PIAS2: variants seen among roughly 807,000 people sequenced by gnomAD.
PIAS2 encodes protein inhibitor of activated STAT 2, also known as E3 SUMO-protein ligase PIAS2.
PIAS2 carries 19 observed loss-of-function variants against 69.7 expected under a neutral mutation model. The observed-to-expected ratio is 0.27, with a 90% confidence interval of 0.19 to 0.40. PIAS2 has a LOEUF of 0.40. PIAS2 is among the 10% of genes least tolerant of loss of function. PIAS2 has a pLI of 1.00. For synonymous variants in PIAS2, 261 were observed against 263.2 expected (o/e 0.99, Z 0.08); for missense variants, 624 against 757.0 (o/e 0.82, Z 2.06).
chr18:46,889,120 C>T (rs1598859491), intron 2 of PIAS2, among the ~76,000 whole-genome samples: 1 of 152,098 alleles, frequency 6.6e-6, no homozygotes, highest in African/African-American at 2.4e-5. Context: ...AGACCTAAAA[C>T]TATAAAATTC....
intron 8 of PIAS2, among the ~76,000 whole-genome samples, chr18:46,840,632 G>T (rs1426982570): frequency 6.6e-6 from 1 of 152,082 alleles, no homozygotes; most frequent in Non-Finnish European, 1.5e-5. Context: ...CTACTCTAGT[G>T]GTCTTATAAG....
At position 46,860,008 on chromosome 18, in the gene PIAS2, T is replaced by C. The variant is rs77980651; in HGVS notation, c.584+4156A>G. Among the ~76,000 whole-genome samples the C allele has an allele frequency of 4.6e-3, 703 of 152,242 alleles. 5 individuals carry two copies. The highest frequency in any genetic ancestry group is 7.2e-3 in the Non-Finnish European group (487 of 68,018). On this transcript the variant is annotated intron_variant, in intron 3 of 13. Transcript: ENST00000585916. ...CCAAAAAGAGAACTGAATCCAATGT[T>C]CAATCTTCACAAGATGTAACAGAAA...
At chr18:46,828,250 C>A (rs1312406796) in intron 10 of PIAS2, 120 bp from the exon 11 acceptor site, 26 of 788,682 alleles carry the variant, frequency 3.3e-5, no homozygotes, top group Non-Finnish European at 4.5e-5. Flanking sequence ...AGTGAAGCCA[C>A]ATACTCCAAC....
At chr18:46,826,366 A>C (rs2042851660) in intron 11 of PIAS2, among the ~76,000 whole-genome samples, 1 of 152,198 alleles carries the variant, frequency 6.6e-6, no homozygotes, top group Non-Finnish European at 1.5e-5. Context: ...TAAAGGACAG[A>C]GGGTAGACCC....
intron 2 of PIAS2, among the ~76,000 whole-genome samples, chr18:46,888,174 TAAA>T (rs1321844778): frequency 6.6e-6 from 1 of 151,970 alleles, no homozygotes; most frequent in Non-Finnish European, 1.5e-5. Context: ...ATAACAACTA[TAAA>T]ACATTGCTGA....
chr18:46,839,839 T>G (rs2045059596), intron 8 of PIAS2, among the ~76,000 whole-genome samples: 1 of 137,474 alleles, frequency 7.3e-6, no homozygotes, highest in East Asian at 2.1e-4. Flanking sequence ...CACTCCAGCC[T>G]GGGCGACAAG....
intron 2 of PIAS2, among the ~76,000 whole-genome samples, chr18:46,888,610 A>G (rs950210466): frequency 2.6e-5 from 4 of 152,090 alleles, no homozygotes; most frequent in Admixed American, 2.0e-4. Context: ...ATGGCAGACA[A>G]TTTTCCCACA....
intron 9 of PIAS2, among the ~76,000 whole-genome samples, chr18:46,830,953 A>G (rs2043523957): frequency 6.6e-6 from 1 of 152,196 alleles, no homozygotes; most frequent in Non-Finnish European, 1.5e-5. Flanking sequence ...ACAAATATAC[A>G]CAGGATAACA....
chr18:46,849,718 TTTTAAC>T (rs2046684651), intron 5 of PIAS2, among the ~76,000 whole-genome samples: 1 of 152,220 alleles, frequency 6.6e-6, no homozygotes, highest in African/African-American at 2.4e-5. Context: ...AAGATTTACT[TTTTAAC>T]TTTAAATTAC....
Position 46,835,296 on chromosome 18 carries a change from T to C in PIAS2, c.1202+1061A>G, listed in dbSNP as rs780478321. Among the ~76,000 whole-genome samples the C allele has an allele frequency of 7.4e-4, 113 of 152,226 alleles. 2 individuals carry two copies. The highest frequency in any genetic ancestry group is 3.3e-4 in the Admixed American group (5 of 15,284). ...CTGAAGCATCTGGGTCATAGTTACA[T>C]GGGAGGTTCTTTGTGCTAGTGTTCC... On this transcript the variant is annotated intron_variant, in intron 9 of 13. Coordinates refer to ENST00000585916, the MANE Select transcript of PIAS2 (RefSeq NM_004671.5).
intron 2 of PIAS2, among the ~76,000 whole-genome samples, chr18:46,885,115 TACC>T (rs1377797742): frequency 2.0e-5 from 3 of 152,204 alleles, no homozygotes; most frequent in Non-Finnish European, 4.4e-5. Context: ...GTTTTCAAGA[TACC>T]ACAATTTTTC....
In PIAS2 at chr18:46,855,807, T is replaced by C. The variant is rs562302618; in HGVS notation, c.585-192A>G. ...TGATAAACCTGACTTGCTTAACTTC[T>C]AGCCACGTCTTTATGGCAATTTTAA... On this transcript the variant is annotated intron_variant, in intron 3 of 13. Coordinates refer to ENST00000585916, the MANE Select transcript of PIAS2 (RefSeq NM_004671.5). Among the ~76,000 whole-genome samples the C allele has an allele frequency of 3.9e-5, 6 of 152,294 alleles. No individual in the cohort carries two copies. In the East Asian group the frequency reaches 9.6e-4, roughly 24 times the overall value.
intron 9 of PIAS2, among the ~76,000 whole-genome samples, chr18:46,832,613 G>A (rs564872896): frequency 6.6e-5 from 10 of 151,584 alleles, no homozygotes; most frequent in South Asian, 4.2e-4. Context: ...TTAACTGGCC[G>A]GATGTGGTGA....
intron 11 of PIAS2, among the ~76,000 whole-genome samples, chr18:46,826,515 C>T (rs1382776032): frequency 6.6e-6 from 1 of 152,186 alleles, no homozygotes; most frequent in Non-Finnish European, 1.5e-5. Context: ...TATTCTAAAG[C>T]GTATCATTAC....
chr18:46,887,204 C>T (rs2053345250), intron 2 of PIAS2, among the ~76,000 whole-genome samples: 1 of 151,520 alleles, frequency 6.6e-6, no homozygotes, highest in Non-Finnish European at 1.5e-5. Flanking sequence ...CAATACTCCA[C>T]TTGCTTGGAT....
rs1327302821 is a variant in PIAS2, at chr18:46,855,587, A to C, written c.613T>G (p.Tyr205Asp). ...RDFLPGGRRD[Y>D]TVQVQLRLCL... ...CACCTCAACTGAACTTGGACTGTATAATCTCTCCTACCACCTGGCAAAAAA... is the reference window on the plus strand; with the variant it reads ...CACCTCAACTGAACTTGGACTGTATCATCTCTCCTACCACCTGGCAAAAAA... Residue 205 changes from tyrosine to aspartate, a missense_variant, in exon 4 of 14, where the codon TAT becomes GAT. Around this residue, in one of 3 missense-constraint regions of PIAS2, gnomAD observed 339 missense variants for 408.8 expected, o/e 0.83. Coordinates refer to ENST00000585916, the MANE Select transcript of PIAS2 (RefSeq NM_004671.5). 1 of 1,613,726 alleles carries C rather than the reference A, an allele frequency of 6.2e-7. No individual in the cohort carries two copies. Among genetic ancestry groups the C allele is most frequent in the East Asian group, 2.2e-5 (1 of 44,830 alleles).
At chr18:46,901,126 T>A in intron 1 of PIAS2, 1 of 323,098 alleles carries the variant, frequency 3.1e-6, no homozygotes, top group Non-Finnish European at 6.0e-6. Flanking sequence ...ACACAAAAAA[T>A]TAAACTACAG....
rs1487720191 is a variant in PIAS2 at position 46,917,404 on chromosome 18, A to G, written c.-59T>C. 3.5e-6 allele frequency: 5 copies of G among 1,421,988 alleles called. No homozygotes were observed. The highest frequency in any genetic ancestry group is 4.6e-6 in the Non-Finnish European group (5 of 1,081,876). The allele number at this position is 1,421,988 out of a possible 1,614,324, so 88.1% of individuals were successfully genotyped here. A position where few individuals can be genotyped will look rare whatever the true frequency, so the allele number is the denominator to read the frequency against. On this transcript the variant is annotated 5_prime_UTR_variant, in exon 1 of 14. Coordinates refer to ENST00000585916, the MANE Select transcript of PIAS2 (RefSeq NM_004671.5). ...GCCGCACCCACTCCCGCTGCCGCCA[A>G]CGACGCTGCCGCCACCACGGCCGCC...
At chr18:46,833,149 C>T (rs1157152241) in intron 9 of PIAS2, among the ~76,000 whole-genome samples, 1 of 151,864 alleles carries the variant, frequency 6.6e-6, no homozygotes, top group Admixed American at 6.6e-5. Flanking sequence ...TCCAACAGCC[C>T]CAAAACAGAA....
Sources: allele counts gnomAD v4.1 joint callset (sites outside exome capture counted in the v4.1 genomes callset), GRCh38; gene constraint gnomAD v4.1.1; regional missense constraint gnomAD v4.1.1; transcripts MANE v1.5; gene names NCBI Gene and HGNC (gene_info 2026-07-23, HGNC 2026-07-21).